The following NXPE2 variants were observed in gnomAD, a reference collection of about 807,000 sequenced individuals.
NXPE2 encodes the protein NXPE family member 2.
Under a neutral mutation model 34.4 loss-of-function variants are expected in NXPE2, and 34 were observed. The ratio of observed to expected loss-of-function variants is 0.99; its 90% CI spans 0.75 to 1.31. The LOEUF (loss-of-function observed/expected upper bound fraction) is 1.31, where lower values mean the gene tolerates loss of function less well. Among genes scored for constraint, NXPE2 ranks in the 40% most tolerant of loss-of-function variants. The probability of loss-of-function intolerance (pLI) is 0.00; values close to 1 mark genes in which losing one functional copy is unlikely to be tolerated. For missense variants in NXPE2, 649 were observed against 672.5 expected (o/e 0.97, Z 0.39); for synonymous variants, 235 against 231.3 (o/e 1.02, Z -0.15).
chr11:114,612,079 GATA>G, the NXPE2 span, among the ~76,000 whole-genome samples: 1 of 151,886 alleles, frequency 6.6e-6, no homozygotes, highest in African/African-American at 2.4e-5. Flanking sequence ...TTACATGGTG[GATA>G]ATAAGTGTTG....
At chr11:114,605,322 G>A in the NXPE2 span, among the ~76,000 whole-genome samples, 189 of 151,958 alleles carry the variant, frequency 1.2e-3, no homozygotes, top group African/African-American at 4.3e-3. Context: ...CTCTTACCTG[G>A]TGGATAATAA....
At chr11:114,607,583 GATAATAAGTC>G in the NXPE2 span, among the ~76,000 whole-genome samples, 8 of 152,008 alleles carry the variant, frequency 5.3e-5, no homozygotes, top group Non-Finnish European at 1.0e-4. Flanking sequence ...TTACCCAGTG[GATAATAAGTC>G]ATGCCTCGTG....
At chr11:114,619,828 GT>G in the NXPE2 span, among the ~76,000 whole-genome samples, 1 of 151,262 alleles carries the variant, frequency 6.6e-6, no homozygotes, top group Non-Finnish European at 1.5e-5. Context: ...TATAATAAGT[GT>G]TGCCTCGTTG....
the NXPE2 span, among the ~76,000 whole-genome samples, chr11:114,811,064 TC>T: frequency 6.6e-6 from 1 of 151,582 alleles, no homozygotes; most frequent in Admixed American, 6.6e-5. Context: ...AAACCATCAT[TC>T]TCAGCAAACT....
chr11:114,515,740 G>GTGGTATTTCA, the NXPE2 span, among the ~76,000 whole-genome samples: 1 of 98,516 alleles, frequency 1.0e-5, no homozygotes, highest in Non-Finnish European at 1.9e-5. Context: ...GCTGTGGTTA[G>GTGGTATTTCA]AAAGTAAGTA....
chr11:114,724,890 GTT>G, the NXPE2 span, among the ~76,000 whole-genome samples: 3,295 of 90,936 alleles, frequency 0.036, 101 homozygotes, highest in African/African-American at 0.095. Context: ...TTCAGAAATG[GTT>G]TTTTTTTTTT....
At chr11:114,669,622 G>A in the NXPE2 span, among the ~76,000 whole-genome samples, 1 of 152,190 alleles carries the variant, frequency 6.6e-6, no homozygotes, top group South Asian at 2.1e-4. Context: ...CTCACTGGCT[G>A]AGTGTCACCC....
the NXPE2 span, among the ~76,000 whole-genome samples, chr11:114,525,330 T>A: frequency 6.6e-6 from 1 of 151,954 alleles, no homozygotes; most frequent in Admixed American, 6.6e-5. Flanking sequence ...CCCAAAGATA[T>A]CCACATCCTA....
chr11:114,808,525 C>A, the NXPE2 span, among the ~76,000 whole-genome samples: 7 of 125,326 alleles, frequency 5.6e-5, no homozygotes, highest in African/African-American at 2.1e-4. Context: ...ACCACCGATC[C>A]CACAGAAATA....
the NXPE2 span, among the ~76,000 whole-genome samples, chr11:114,542,987 G>A: frequency 1.4e-4 from 21 of 152,160 alleles, no homozygotes; most frequent in Admixed American, 1.4e-3. Flanking sequence ...AGGTAAAGTG[G>A]CTTATGCCTA....
chr11:114,720,368 A>G, the NXPE2 span, among the ~76,000 whole-genome samples: 3 of 152,338 alleles, frequency 2.0e-5, no homozygotes, highest in Non-Finnish European at 4.4e-5. Context: ...ATCCCTTGAT[A>G]TATCTGAAGG....
the NXPE2 span, among the ~76,000 whole-genome samples, chr11:114,557,668 T>A: frequency 9.3e-6 from 1 of 107,754 alleles, no homozygotes; most frequent in Non-Finnish European, 2.0e-5. Flanking sequence ...TATATATATA[T>A]ATATAAAATC....
the NXPE2 span, chr11:114,522,925 G>C: frequency 9.3e-6 from 15 of 1,613,192 alleles, no homozygotes; most frequent in Non-Finnish European, 1.2e-5. Context: ...GTAGTGTAGA[G>C]TCTCCCAGGA....
At chr11:114,541,522 A>T in the NXPE2 span, among the ~76,000 whole-genome samples, 2 of 152,244 alleles carry the variant, frequency 1.3e-5, no homozygotes, top group African/African-American at 4.8e-5. Context: ...GACACGTGAC[A>T]CAGCCGTCAG....
At chr11:114,532,705 TTCTC>T in the NXPE2 span, among the ~76,000 whole-genome samples, 1 of 152,174 alleles carries the variant, frequency 6.6e-6, no homozygotes, top group African/African-American at 2.4e-5. Flanking sequence ...CTCTGTCTCT[TTCTC>T]TCTGTGTGTA....
At chr11:114,494,977 TTGG>T in the NXPE2 span, among the ~76,000 whole-genome samples, 1 of 152,216 alleles carries the variant, frequency 6.6e-6, no homozygotes, top group African/African-American at 2.4e-5. Context: ...AGGTACCACC[TTGG>T]TGGTTTTGGG....
chr11:114,618,945 T>C, the NXPE2 span, among the ~76,000 whole-genome samples: 1 of 152,032 alleles, frequency 6.6e-6, no homozygotes, highest in Non-Finnish European at 1.5e-5. Flanking sequence ...CACTGGATAA[T>C]AAGTAGTACC....
At chr11:114,811,682 G>C in the NXPE2 span, among the ~76,000 whole-genome samples, 1 of 152,330 alleles carries the variant, frequency 6.6e-6, no homozygotes, top group East Asian at 1.9e-4. Context: ...AGGGTGCTGA[G>C]AGGGACACAA....
the NXPE2 span, among the ~76,000 whole-genome samples, chr11:114,515,692 A>C: frequency 6.6e-6 from 1 of 152,300 alleles, no homozygotes; most frequent in East Asian, 1.9e-4. Flanking sequence ...GGGAGGTGCA[A>C]TGAGAATGAG....
Sources: gnomAD v4.1 joint callset for allele counts (sites outside exome capture counted in the v4.1 genomes callset) on GRCh38, gnomAD v4.1.1 for gene constraint, MANE v1.5 for transcripts, NCBI Gene and HGNC (gene_info 2026-07-23, HGNC 2026-07-21) for gene names.